ZC3H7A: variants seen among roughly 807,000 people sequenced by gnomAD.
The protein encoded by ZC3H7A is zinc finger CCCH domain-containing protein 7A.
In ZC3H7A, 44 loss-of-function variants were observed where a neutral mutation model predicts 125.5. The observed-to-expected ratio is 0.35, with a 90% CI of 0.28 to 0.45. ZC3H7A has a LOEUF of 0.45. Ranked by LOEUF, ZC3H7A falls within the 20% of genes least tolerant of loss-of-function variation. The pLI, the probability that ZC3H7A is intolerant of heterozygous loss-of-function variation, is 1.00. For missense variants in ZC3H7A, 977 were observed against 1,170.7 expected, an observed-to-expected ratio of 0.83 and a Z score of 2.41; for synonymous variants, 399 against 391.2, an observed-to-expected ratio of 1.02 and a Z score of -0.23.
At position 11,751,216 on chromosome 16, in the gene ZC3H7A, T is replaced by C; in HGVS notation, c.*101A>G. 1.6e-6 allele frequency: 2 copies of C among 1,288,414 alleles called. No individual in the cohort carries two copies. Among genetic ancestry groups the C allele is most frequent in the Non-Finnish European group, 2.1e-6 (2 of 952,250 alleles). The allele number at this position is 1,288,414 out of a possible 1,614,324, so 79.8% of individuals were successfully genotyped here. A position where few individuals can be genotyped will look rare whatever the true frequency, so the allele number is the denominator to read the frequency against. The stretch of plus-strand genomic sequence containing the variant: ...GCTCAGGAGGAACGATATACGCCAA[T>C]ACAAGCAGGAAATCTGCAGCTCCTC... On this transcript the variant is annotated 3_prime_UTR_variant, in exon 23 of 23. Coordinates refer to ENST00000355758, the MANE Select transcript of ZC3H7A (RefSeq NM_014153.4).
intron 15 of ZC3H7A, among the ~76,000 whole-genome samples, chr16:11,764,131 G>A (rs2141174993): frequency 6.6e-6 from 1 of 152,244 alleles, no homozygotes; most frequent in African/African-American, 2.4e-5. Context: ...AAATCATGGG[G>A]GCTGGGCACA....
rs757392988 is a variant in ZC3H7A, at chr16:11,768,499, C to G, written c.1176G>C (p.Met392Ile). The G allele has an allele frequency of 7.3e-7, 1 of 1,366,200 alleles. No individual in the cohort carries two copies. Among genetic ancestry groups the G allele is most frequent in the South Asian group, 1.8e-5 (1 of 57,030 alleles). The allele number at this position is 1,366,200 out of a possible 1,614,324, so 84.6% of individuals were successfully genotyped here. A position where few individuals can be genotyped will look rare whatever the true frequency, so the allele number is the denominator to read the frequency against. Residue 392 changes from methionine (M) to isoleucine (I), a missense_variant and splice_region_variant, in exon 12 of 23, where the codon ATG (methionine) becomes ATC (isoleucine). By Grantham distance (10) the Met-to-Ile change is conservative. Coordinates refer to ENST00000355758, the MANE Select transcript of ZC3H7A (RefSeq NM_014153.4). ...LNNSNSSLLL[M>I]NGPGSLFASE... ...AAGCAAACAAACTACCTGGTCCATT[C>G]ATCTGCAAGAAAAATAAGAAGAAAA... is the stretch of plus-strand genomic sequence containing the variant.
intron 1 of ZC3H7A, among the ~76,000 whole-genome samples, chr16:11,795,269 A>C (rs954115721): frequency 6.6e-6 from 1 of 152,234 alleles, no homozygotes; most frequent in Admixed American, 6.5e-5. Context: ...TGAGAGCTTA[A>C]GGGAAGGAGG....
At chr16:11,778,491 T>G (rs1298905720) in intron 4 of ZC3H7A, among the ~76,000 whole-genome samples, 1 of 151,224 alleles carries the variant, frequency 6.6e-6, no homozygotes, top group Non-Finnish European at 1.5e-5. Context: ...CCAAGAGTGT[T>G]TTACAAGATC....
intron 4 of ZC3H7A, 62 bp from the exon 5 acceptor site, chr16:11,776,971 CT>C: frequency 2.8e-6 from 4 of 1,407,294 alleles, no homozygotes; most frequent in Non-Finnish European, 3.8e-6. Flanking sequence ...GCACTGAGGC[CT>C]TCCTGTAATA....
intron 1 of ZC3H7A, among the ~76,000 whole-genome samples, chr16:11,793,811 G>C (rs546863626): frequency 6.6e-6 from 1 of 152,162 alleles, no homozygotes; most frequent in African/African-American, 2.4e-5. Flanking sequence ...TTATGAAACA[G>C]TTTCTCCCTT....
At chr16:11,787,827 TC>T (rs967294994) in intron 1 of ZC3H7A, among the ~76,000 whole-genome samples, 1 of 151,896 alleles carries the variant, frequency 6.6e-6, no homozygotes, top group Non-Finnish European at 1.5e-5. Context: ...GTGCCTGTAA[TC>T]CCAGCTACTC....
rs765720836 is a variant in ZC3H7A at position 11,769,102 on chromosome 16, T to A, written c.1109-7A>T. On this transcript the variant is annotated splice_polypyrimidine_tract_variant and splice_region_variant and intron_variant, in intron 10 of 22. Coordinates refer to ENST00000355758, the MANE Select transcript of ZC3H7A (RefSeq NM_014153.4). ...GAAGTTGAGGTGGACAGATCTAAAA[T>A]AATAAAAAAACTTCAACAGACCTTT... is the stretch of plus-strand genomic sequence containing the variant. 1.3e-5 allele frequency: 21 copies of A among 1,601,096 alleles called. No individual in the cohort carries two copies. In the South Asian group the frequency reaches 2.1e-4, roughly 16 times the overall value.
At chr16:11,783,721 AC>A (rs1226577780) in intron 1 of ZC3H7A, among the ~76,000 whole-genome samples, 3 of 152,236 alleles carry the variant, frequency 2.0e-5, no homozygotes, top group African/African-American at 7.2e-5. Context: ...TGTTTGAAGT[AC>A]ATTGCTGAAA....
intron 1 of ZC3H7A, 174 bp from the exon 2 acceptor site, chr16:11,782,562 C>T (rs980643952): frequency 9.8e-6 from 5 of 512,750 alleles, no homozygotes; most frequent in African/African-American, 9.7e-5. Flanking sequence ...TGTGGCTCCC[C>T]TGTGGTCCGG....
intron 1 of ZC3H7A, among the ~76,000 whole-genome samples, chr16:11,789,048 G>C (rs1425857457): frequency 6.6e-6 from 1 of 152,034 alleles, no homozygotes; most frequent in African/African-American, 2.4e-5. Flanking sequence ...ACACACACAA[G>C]TGCTGCTTAA....
intron 15 of ZC3H7A, 98 bp from the exon 16 acceptor site, chr16:11,763,757 ATATATATATATAAAGT>A (rs2052798829): frequency 1.1e-5 from 1 of 90,222 alleles, no homozygotes; most frequent in African/African-American, 6.5e-5. Flanking sequence ...ATATATATAT[ATATATATATATAAAGT>A]TCTACACTGA....
chr16:11,790,340 T>A lies in ZC3H7A; in HGVS notation c.-35+6784A>T, dbSNP rs144497079. Among the ~76,000 whole-genome samples, 338 of 152,322 alleles carry A rather than the reference T, an allele frequency of 2.2e-3. 1 individual carries two copies. Among genetic ancestry groups the A allele is most frequent in the African/African-American group, 7.6e-3 (318 of 41,570 alleles). ...CTCAGCGTCCTTTCAAATTTAAGAA[T>A]CATCTGTACTTCCTTGTCTGTGAAT... On this transcript the variant is annotated intron_variant, in intron 1 of 22. Transcript: ENST00000355758.
At position 11,768,318 on chromosome 16, in the gene ZC3H7A, A is replaced by G. The variant is rs776585181; in HGVS notation, c.1357T>C (p.Ser453Pro). Residue 453 changes from serine to proline, a missense_variant, in exon 12 of 23, where the codon TCA becomes CCA. Ser to Pro is a moderately conservative substitution (Grantham distance 74). Transcript: ENST00000355758. ...TGCGTGTTTGTTTGGTCCTGACCTGATTTTACAAAACAGATCTGGCAAGCT... is the reference window on the plus strand; with the variant it reads ...TGCGTGTTTGTTTGGTCCTGACCTGGTTTTACAAAACAGATCTGGCAAGCT... ...RQACQICFVKSGPKLMDFTYH... is the reference protein window; with the variant it reads ...RQACQICFVKPGPKLMDFTYH... The G allele has an allele frequency of 1.2e-5, 18 of 1,533,610 alleles. No homozygotes were observed. The highest frequency in any genetic ancestry group is 1.5e-5 in the Non-Finnish European group (17 of 1,131,358).
intron 9 of ZC3H7A, 111 bp downstream of exon 9, chr16:11,774,125 A>G: frequency 9.6e-7 from 1 of 1,045,654 alleles, no homozygotes. Flanking sequence ...GGTTAAAAAA[A>G]CCCCCAAATT....
intron 12 of ZC3H7A, among the ~76,000 whole-genome samples, chr16:11,767,921 C>T (rs901274998): frequency 2.0e-5 from 3 of 152,120 alleles, no homozygotes; most frequent in Non-Finnish European, 2.9e-5. Flanking sequence ...AACAAGCTAA[C>T]AGAAAGTATT....
In ZC3H7A at chr16:11,776,373, AG is replaced by A. The variant is rs1294128626; in HGVS notation, c.547-16del. ...TTTAATGAGAGCTGAAATAAAATAA[AG>A]ACACTAATTTAAAAACAGAACTGAC... is the stretch of plus-strand genomic sequence containing the variant. On this transcript the variant is annotated splice_polypyrimidine_tract_variant and intron_variant, in intron 6 of 22. Coordinates refer to ENST00000355758, the MANE Select transcript of ZC3H7A (RefSeq NM_014153.4). The A allele has an allele frequency of 3.1e-6, 5 of 1,609,122 alleles. No homozygotes were observed. The East Asian group carries it at 1.1e-4, about 36-fold the overall frequency.
chr16:11,774,931 T>G (rs888165097), intron 8 of ZC3H7A, 49 bp downstream of exon 8: 1 of 1,592,686 alleles, frequency 6.3e-7, no homozygotes, highest in African/African-American at 1.3e-5. Flanking sequence ...AGACATCAGG[T>G]ACAAAGCTGG....
At chr16:11,792,068 T>G (rs2053364453) in intron 1 of ZC3H7A, among the ~76,000 whole-genome samples, 1 of 152,036 alleles carries the variant, frequency 6.6e-6, no homozygotes, top group Non-Finnish European at 1.5e-5. Flanking sequence ...CCACTATACC[T>G]GAATAATTTT....
Sources: allele counts gnomAD v4.1 joint callset (sites outside exome capture counted in the v4.1 genomes callset), GRCh38; gene constraint gnomAD v4.1.1; transcripts MANE v1.5; gene names NCBI Gene and HGNC (gene_info 2026-07-23, HGNC 2026-07-21).